ANK2: variants seen among roughly 807,000 people sequenced by gnomAD.
ANK2 encodes ankyrin 2.
ANK2 carries 83 observed loss-of-function variants against 360.5 expected under a neutral mutation model. That is an observed-to-expected ratio of 0.23 (90% CI 0.19 to 0.28). The LOEUF is 0.28. Ranked by LOEUF, ANK2 falls within the 10% of genes least tolerant of loss-of-function variation. The pLI, the probability that ANK2 is intolerant of heterozygous loss-of-function variation, is 1.00. For missense variants in ANK2, 4,201 were observed against 4,795.7 expected (o/e 0.88, Z 3.66); for synonymous variants, 1,740 against 1,759.5 (o/e 0.99, Z 0.28).
chr4:112,886,588 G>A (rs2078436266), intron 1 of ANK2, among the ~76,000 whole-genome samples: 1 of 152,136 alleles, frequency 6.6e-6, no homozygotes, highest in South Asian at 2.1e-4. Flanking sequence ...CTTGAACCTG[G>A]GAAGTGGAAG....
rs769504090 is a variant in ANK2 at position 113,355,394 on chromosome 4, G to A, written c.6776G>A (p.Gly2259Glu). The change falls in exon 38 of 46, where the codon GGG (glycine) becomes GAG (glutamate). Residue 2259 changes from glycine to glutamate, a missense_variant. Physicochemically the swap from Gly to Glu is moderately conservative, Grantham distance 98 (BLOSUM62 -2). Transcript: ENST00000357077. ...CCAAAGAAAAGTGAGGAGCAAACTG[G>A]GGAAACAAAGGAAAGCACCAAGACA... is the stretch of plus-strand genomic sequence containing the variant. ...FSPKKSEEQTGETKESTKTET... is the reference protein window; with the variant it reads ...FSPKKSEEQTEETKESTKTET... The A allele has an allele frequency of 6.2e-7, 1 of 1,613,948 alleles. No homozygotes were observed. The highest frequency in any genetic ancestry group is 1.1e-5 in the South Asian group (1 of 91,068).
At chr4:113,002,874 C>A (rs552247273) in intron 2 of ANK2, among the ~76,000 whole-genome samples, 2 of 152,174 alleles carry the variant, frequency 1.3e-5, no homozygotes, top group Non-Finnish European at 2.9e-5. Flanking sequence ...TTGTAGTTCA[C>A]CAAATCACCT....
chr4:113,253,974 C>CT lies in ANK2; in HGVS notation c.991-1761_991-1760insT, dbSNP rs113978882. 4.3e-4 allele frequency among the ~76,000 whole-genome samples: 66 copies of CT among 152,288 alleles called. 1 individual carries two copies. The highest frequency in any genetic ancestry group is 1.6e-3 in the African/African-American group (65 of 41,556). On this transcript the variant is annotated intron_variant, in intron 10 of 45. Transcript: ENST00000357077. ...GCCTTAAACCACATTCTTCTCCTTA[C>CT]GATTATTGATATCGATCATGCCCGT...
At chr4:113,141,398 C>T (rs2096631389) in intron 1 of ANK2, 1 of 152,134 alleles carries the variant, frequency 6.6e-6, no homozygotes. Context: ...TGATCACCTT[C>T]AACTATGGCC....
the ANK2 span, among the ~76,000 whole-genome samples, chr4:112,812,053 C>A: frequency 9.2e-6 from 1 of 108,498 alleles, no homozygotes; most frequent in Admixed American, 1.4e-4. Flanking sequence ...CCAGCCTGGG[C>A]AACGGAGCAA....
the ANK2 span, among the ~76,000 whole-genome samples, chr4:112,811,357 G>T: frequency 6.6e-6 from 1 of 152,222 alleles, no homozygotes; most frequent in Non-Finnish European, 1.5e-5. Context: ...TGGAAATTTT[G>T]ATCTAAAGTT....
chr4:113,345,245 T>A (rs1563930176), intron 34 of ANK2, among the ~76,000 whole-genome samples: 1 of 152,054 alleles, frequency 6.6e-6, no homozygotes, highest in Non-Finnish European at 1.5e-5. Context: ...TAGGCAAACG[T>A]ATAGAGACAG....
chr4:112,817,719 G>C (rs1291208855), upstream of ANK2, among the ~76,000 whole-genome samples: 1 of 151,888 alleles, frequency 6.6e-6, no homozygotes, highest in Non-Finnish European at 1.5e-5. Flanking sequence ...GGGTATGGTG[G>C]TGGTAGTGAT....
At chr4:113,306,974 G>T (rs1306243317) in intron 23 of ANK2, among the ~76,000 whole-genome samples, 1 of 152,222 alleles carries the variant, frequency 6.6e-6, no homozygotes, top group Non-Finnish European at 1.5e-5. Context: ...GTCTTTGTAG[G>T]ATCGTGAGTT....
chr4:113,316,093 C>T (rs2082825402), intron 24 of ANK2, among the ~76,000 whole-genome samples: 1 of 152,066 alleles, frequency 6.6e-6, no homozygotes, highest in African/African-American at 2.4e-5. Context: ...AAATGTAAAA[C>T]CATCTGTAAT....
Position 113,256,461 on chromosome 4 carries a change from T to A in ANK2, c.1188+529T>A, listed in dbSNP as rs1457674834. On this transcript the variant is annotated intron_variant, in intron 11 of 45. Coordinates refer to ENST00000357077, the MANE Select transcript of ANK2 (RefSeq NM_001148.6). ...TAATAGAAAAGTTATGCCTAGTGTG[T>A]TACGGCTTCAGGGAGCATTTTATAT... Among the ~76,000 whole-genome samples the A allele has an allele frequency of 1.3e-5, 2 of 152,234 alleles. 1 individual carries two copies. The highest frequency in any genetic ancestry group is 4.1e-4 in the South Asian group (2 of 4,834).
intron 22 of ANK2, 61 bp downstream of exon 22, chr4:113,293,599 T>C (rs1587448229): frequency 2.1e-6 from 3 of 1,447,108 alleles, no homozygotes; most frequent in African/African-American, 1.4e-5. Flanking sequence ...ACTAAATACA[T>C]GTACAGTACT....
intron 1 of ANK2, among the ~76,000 whole-genome samples, chr4:112,876,562 C>T (rs967886792): frequency 5.9e-5 from 9 of 151,966 alleles, no homozygotes; most frequent in African/African-American, 2.2e-4. Context: ...TCCTCTGACC[C>T]TACAGGAAAG....
chr4:113,304,650 A>G (rs936692149), intron 23 of ANK2, among the ~76,000 whole-genome samples: 1 of 152,212 alleles, frequency 6.6e-6, no homozygotes, highest in African/African-American at 2.4e-5. Flanking sequence ...GAACATGACA[A>G]TAACTAAGTT....
chr4:113,105,188 AT>A (rs2093460996), intron 1 of ANK2, among the ~76,000 whole-genome samples: 1 of 152,190 alleles, frequency 6.6e-6, no homozygotes, highest in Admixed American at 6.5e-5. Flanking sequence ...TAGGCATATA[AT>A]TAACCTAGGT....
At chr4:112,802,307 T>C in the ANK2 span, among the ~76,000 whole-genome samples, 1 of 152,184 alleles carries the variant, frequency 6.6e-6, no homozygotes, top group Admixed American at 6.5e-5. Flanking sequence ...GAATTAAGAA[T>C]TAATGAATTA....
intron 37 of ANK2, among the ~76,000 whole-genome samples, chr4:113,351,999 A>G (rs1228686800): frequency 6.6e-6 from 1 of 152,192 alleles, no homozygotes; most frequent in Non-Finnish European, 1.5e-5. Context: ...CCCACAACCT[A>G]AGCCTCAATA....
intron 1 of ANK2, among the ~76,000 whole-genome samples, chr4:112,833,802 C>T (rs1221378776): frequency 1.3e-5 from 2 of 152,118 alleles, no homozygotes; most frequent in East Asian, 3.9e-4. Flanking sequence ...CGCACTCGGC[C>T]GGAATGATTT....
intron 1 of ANK2, among the ~76,000 whole-genome samples, chr4:113,086,861 C>G (rs993557465): frequency 6.6e-6 from 1 of 152,016 alleles, no homozygotes; most frequent in Non-Finnish European, 1.5e-5. Context: ...GCTTGGCATG[C>G]TGGAGGAGGA....
Sources: gnomAD v4.1 joint callset for allele counts (sites outside exome capture counted in the v4.1 genomes callset) on GRCh38, gnomAD v4.1.1 for gene constraint, MANE v1.5 for transcripts, NCBI Gene and HGNC (gene_info 2026-07-23, HGNC 2026-07-21) for gene names.